ZFHX3: variants seen among roughly 807,000 people sequenced by gnomAD.
ZFHX3 encodes the protein zinc finger homeobox protein 3.
In ZFHX3, 42 loss-of-function variants were observed where a neutral mutation model predicts 279.1. The observed-to-expected ratio is 0.15, with a 90% CI of 0.12 to 0.19. The LOEUF (loss-of-function observed/expected upper bound fraction) is 0.19, where lower values mean the gene tolerates loss of function less well. Ranked by LOEUF, ZFHX3 falls within the 10% of genes least tolerant of loss-of-function variation. ZFHX3 has a pLI of 1.00. For missense variants in ZFHX3, 4,981 were observed against 4,754.0 expected, an observed-to-expected ratio of 1.05 and a Z score of -1.40; for synonymous variants, 2,293 against 1,957.8, an observed-to-expected ratio of 1.17 and a Z score of -4.52.
intron 6 of ZFHX3, among the ~76,000 whole-genome samples, chr16:73,140,059 G>A (rs944496325): frequency 7.2e-5 from 11 of 152,108 alleles, no homozygotes; most frequent in African/African-American, 2.7e-4. Flanking sequence ...TTGAGGCCAC[G>A]AGTTTGAGAC....
At chr16:73,139,544 CT>C (rs1254203779) in intron 6 of ZFHX3, among the ~76,000 whole-genome samples, 2 of 152,092 alleles carry the variant, frequency 1.3e-5, no homozygotes, top group Non-Finnish European at 2.9e-5. Flanking sequence ...AAAGAACAGC[CT>C]TGGTTAATGG....
intron 5 of ZFHX3, among the ~76,000 whole-genome samples, chr16:73,197,927 T>TTG (rs1332784878): frequency 2.0e-5 from 2 of 102,280 alleles, no homozygotes; most frequent in East Asian, 5.1e-4. Context: ...TTTGGTGGTT[T>TTG]TTTTTTTTTT....
chr16:72,795,384 G>A lies in ZFHX3; in HGVS notation c.7298C>T (p.Ala2433Val), dbSNP rs773115759. 80 of 1,613,988 alleles carry A rather than the reference G, an allele frequency of 5.0e-5. No individual in the cohort carries two copies. Among genetic ancestry groups the A allele is most frequent in the Middle Eastern group, 1.6e-4 (1 of 6,084 alleles). Residue 2433 changes from alanine to valine, a missense_variant, in exon 9 of 10, where the codon GCG becomes GTG. Physicochemically the swap from Ala to Val is moderately conservative, Grantham distance 64. Around this residue, in one of 7 missense-constraint regions of ZFHX3, gnomAD observed 744 missense variants for 701.3 expected, o/e 1.06. Coordinates refer to ENST00000268489, the MANE Select transcript of ZFHX3 (RefSeq NM_006885.4). Reference sequence around the variant, plus strand: ...GTTTGGCTGTGCACTGGGAGCTTCCGCCAGCTTTGGTTTCTCATCGCCTGC... The same window carrying A: ...GTTTGGCTGTGCACTGGGAGCTTCCACCAGCTTTGGTTTCTCATCGCCTGC... Reference protein sequence around the residue: ...TEAGDEKPKLAEAPSAQPNQT... With the variant: ...TEAGDEKPKLVEAPSAQPNQT...
At chr16:73,558,470 T>C (rs1231298433) in intron 2 of ZFHX3, 1 of 152,172 alleles carries the variant, frequency 6.6e-6, no homozygotes, top group Non-Finnish European at 1.5e-5. Context: ...AAGCTTGAGG[T>C]CTGTTTCTAC....
At position 72,787,719 on chromosome 16, in the gene ZFHX3, ACCGCCGCCG is replaced by A. The variant is rs751575363; in HGVS notation, c.10548_10556del (p.Gly3525_Gly3527del). On this transcript the variant is annotated inframe_deletion, in exon 10 of 10. Transcript: ENST00000268489. ...AGCCGCCGCCGCCGCCGCCGCCGCC[ACCGCCGCCG>A]CCGCCGCCACTGCCACCGCCGCCGC... 77 of 1,297,344 alleles carry A rather than the reference ACCGCCGCCG, an allele frequency of 5.9e-5. 2 individuals are homozygous for A. Among genetic ancestry groups the A allele is most frequent in the South Asian group, 7.7e-5 (3 of 38,750 alleles). 80.4% of individuals were successfully genotyped at this position (1,297,344 alleles called of 1,614,324 possible). A position where few individuals can be genotyped will look rare whatever the true frequency, so the allele number is the denominator to read the frequency against.
chr16:73,351,437 A>G (rs990206541), intron 3 of ZFHX3, among the ~76,000 whole-genome samples: 1 of 152,202 alleles, frequency 6.6e-6, no homozygotes, highest in Non-Finnish European at 1.5e-5. Flanking sequence ...CCCTGCATTT[A>G]AACGCTGCTG....
At chr16:72,974,649 C>A (rs1397320375) in intron 1 of ZFHX3, among the ~76,000 whole-genome samples, 2 of 152,010 alleles carry the variant, frequency 1.3e-5, no homozygotes, top group African/African-American at 2.4e-5. Flanking sequence ...ATATCCCTGG[C>A]CTGCTGGCAT....
In ZFHX3 at chr16:73,273,543, C is replaced by T. The variant is rs796804955; in HGVS notation, c.-1193-16407G>A. 1.1e-4 allele frequency among the ~76,000 whole-genome samples: 17 copies of T among 152,170 alleles called. 1 individual carries two copies. Among genetic ancestry groups the T allele is most frequent in the African/African-American group, 4.1e-4 (17 of 41,552 alleles). On this transcript the variant is annotated intron_variant, in intron 4 of 17. Coordinates refer to the ZFHX3 transcript ENST00000641206. ...ACATAATCTGTCCATTTTTTCTTTT[C>T]TTTACGCAAAGGACTCATACTGAAC...
intron 3 of ZFHX3, among the ~76,000 whole-genome samples, chr16:73,408,150 C>T (rs997526657): frequency 6.0e-5 from 9 of 150,530 alleles, no homozygotes; most frequent in Non-Finnish European, 1.0e-4. Flanking sequence ...TGGCCTGGGA[C>T]CCAAACAGAT....
At chr16:73,225,316 G>A (rs2012559302) in intron 5 of ZFHX3, among the ~76,000 whole-genome samples, 1 of 152,162 alleles carries the variant, frequency 6.6e-6, no homozygotes, top group African/African-American at 2.4e-5. Context: ...AATCAAGCCA[G>A]GTTTTAAAAG....
chr16:72,796,172 G>A lies in ZFHX3; in HGVS notation c.6510C>T (p.Pro2170=), dbSNP rs1324242048. The change falls in exon 9 of 10, where the codon CCC becomes CCT. Residue 2170 remains proline (P), a synonymous_variant. Coordinates refer to ENST00000268489, the MANE Select transcript of ZFHX3 (RefSeq NM_006885.4). ...CCATCTCTTTTATTTGCTCTTCACT[G>A]GGGGAGTTGTTAATGTCAAAATATT... The part of the protein sequence containing the change: ...LRQYFDINNS[P]SEEQIKEMAD... 2 of 1,614,118 alleles carry A rather than the reference G, an allele frequency of 1.2e-6. No individual in the cohort carries two copies. The highest frequency in any genetic ancestry group is 1.7e-6 in the Non-Finnish European group (2 of 1,180,026).
intron 1 of ZFHX3, among the ~76,000 whole-genome samples, chr16:73,867,041 G>C (rs1465463570): frequency 6.6e-6 from 1 of 152,014 alleles, no homozygotes; most frequent in Non-Finnish European, 1.5e-5. Flanking sequence ...CCTTGGCCCA[G>C]AGGCATCCCA....
At chr16:73,039,219 A>T (rs1184796118) in intron 1 of ZFHX3, among the ~76,000 whole-genome samples, 1 of 152,052 alleles carries the variant, frequency 6.6e-6, no homozygotes, top group African/African-American at 2.4e-5. Flanking sequence ...CTGCCTCCCA[A>T]AGTGCTGAGA....
At chr16:73,866,692 C>T (rs1962030745) in intron 1 of ZFHX3, among the ~76,000 whole-genome samples, 2 of 152,106 alleles carry the variant, frequency 1.3e-5, no homozygotes, top group African/African-American at 4.8e-5. Context: ...AATTATGTTC[C>T]AGTTGGGCTT....
At chr16:72,840,834 T>C (rs2037328501) in intron 4 of ZFHX3, among the ~76,000 whole-genome samples, 2 of 152,294 alleles carry the variant, frequency 1.3e-5, no homozygotes, top group South Asian at 4.1e-4. Context: ...TATGCACAGC[T>C]GGTAAAATAA....
chr16:73,192,468 G>A (rs1368405170), intron 5 of ZFHX3, among the ~76,000 whole-genome samples: 2 of 152,170 alleles, frequency 1.3e-5, no homozygotes, highest in Non-Finnish European at 2.9e-5. Context: ...TTAATTTCAT[G>A]ATCACCGGGT....
At chr16:73,170,829 G>A (rs943357314) in intron 5 of ZFHX3, among the ~76,000 whole-genome samples, 15 of 152,106 alleles carry the variant, frequency 9.9e-5, no homozygotes, top group Admixed American at 8.5e-4. Flanking sequence ...ACCTGAATTG[G>A]CTCTTCCCCT....
Position 73,850,024 on chromosome 16 carries a change from C to T in ZFHX3, c.-1608+41627G>A, listed in dbSNP as rs549023553. Among the ~76,000 whole-genome samples the T allele has an allele frequency of 9.2e-5, 14 of 152,232 alleles. No individual in the cohort carries two copies. In the East Asian group the frequency reaches 1.2e-3, roughly 13 times the overall value. On this transcript the variant is annotated intron_variant, in intron 1 of 17. Transcript: ENST00000641206. ...CTGGGATTACAGGCGTGAGCCACCG[C>T]GCCTGGCCAGCATTTATTTTTAAAA...
At chr16:73,147,324 C>T (rs1389496473) in intron 5 of ZFHX3, among the ~76,000 whole-genome samples, 6 of 152,166 alleles carry the variant, frequency 3.9e-5, no homozygotes, top group African/African-American at 9.6e-5. Flanking sequence ...CAGCAGTTTC[C>T]TTTTGCCTTA....
Sources: allele counts gnomAD v4.1 joint callset (sites outside exome capture counted in the v4.1 genomes callset), GRCh38; gene constraint gnomAD v4.1.1; regional missense constraint gnomAD v4.1.1; transcripts MANE v1.5; gene names NCBI Gene and HGNC (gene_info 2026-07-23, HGNC 2026-07-21).